ZNF804B: variants seen among roughly 807,000 people sequenced by gnomAD.
ZNF804B encodes the protein zinc finger 804B.
A neutral mutation model predicts 101.4 loss-of-function variants in ZNF804B; 80 were observed. The ratio of observed to expected loss-of-function variants is 0.79; its 90% CI spans 0.66 to 0.95. The LOEUF is 0.95. ZNF804B is among the 40% of genes least tolerant of loss of function. ZNF804B has a pLI of 0.00. For missense variants in ZNF804B, 1,673 were observed against 1,561.9 expected (o/e 1.07, Z -1.20); for synonymous variants, 622 against 558.8 (o/e 1.11, Z -1.59).
chr7:89,001,295 A>G (rs1788284366), intron 1 of ZNF804B, among the ~76,000 whole-genome samples: 2 of 151,342 alleles, frequency 1.3e-5, no homozygotes, highest in African/African-American at 4.8e-5. Flanking sequence ...GAAGTAACAT[A>G]TATGTTAGTT....
intron 2 of ZNF804B, among the ~76,000 whole-genome samples, chr7:89,268,221 A>AC (rs1789828721): frequency 6.6e-6 from 1 of 152,000 alleles, no homozygotes; most frequent in South Asian, 2.1e-4. Context: ...CTCCCTATCA[A>AC]CAGACACACA....
chr7:89,027,828 G>C (rs1788774184), intron 1 of ZNF804B, among the ~76,000 whole-genome samples: 1 of 152,160 alleles, frequency 6.6e-6, no homozygotes, highest in Non-Finnish European at 1.5e-5. Flanking sequence ...TGAGTGTCCA[G>C]CCCAAGAGCT....
At chr7:89,044,213 G>A (rs1470720800) in intron 1 of ZNF804B, among the ~76,000 whole-genome samples, 1 of 152,104 alleles carries the variant, frequency 6.6e-6, no homozygotes, top group African/African-American at 2.4e-5. Flanking sequence ...TTCCCTCTTT[G>A]CTCAACACTT....
intron 1 of ZNF804B, among the ~76,000 whole-genome samples, chr7:89,144,583 G>T (rs1020857245): frequency 6.6e-6 from 1 of 151,640 alleles, no homozygotes; most frequent in Admixed American, 6.6e-5. Context: ...TTGATCAAAA[G>T]GTATAAGGTT....
chr7:89,073,936 C>G (rs1159176675), intron 1 of ZNF804B, among the ~76,000 whole-genome samples: 1 of 152,146 alleles, frequency 6.6e-6, no homozygotes, highest in Non-Finnish European at 1.5e-5. Context: ...GATTTAGCAA[C>G]AGCCCAGAGC....
At chr7:89,016,990 T>C (rs1240718163) in intron 1 of ZNF804B, among the ~76,000 whole-genome samples, 1 of 152,220 alleles carries the variant, frequency 6.6e-6, no homozygotes, top group Non-Finnish European at 1.5e-5. Context: ...CTTTCATTTG[T>C]TTGTGTCCTC....
chr7:89,320,844 C>T lies in ZNF804B; in HGVS notation c.250-6500C>T, dbSNP rs144428094. ...CAGACATTTTAGAAAAAGCATGCAACTAAATGATGTTTTTAAAGTGCTTCA... is the reference window on the plus strand; with the variant it reads ...CAGACATTTTAGAAAAAGCATGCAATTAAATGATGTTTTTAAAGTGCTTCA... On this transcript the variant is annotated intron_variant, in intron 2 of 3. Transcript: ENST00000333190. 3.1e-3 allele frequency among the ~76,000 whole-genome samples: 476 copies of T among 151,962 alleles called. 2 individuals carry two copies. Among genetic ancestry groups the T allele is most frequent in the African/African-American group, 0.011 (446 of 41,478 alleles).
intron 1 of ZNF804B, among the ~76,000 whole-genome samples, chr7:88,764,620 T>C (rs1312248402): frequency 6.6e-6 from 1 of 152,192 alleles, no homozygotes; most frequent in African/African-American, 2.4e-5. Flanking sequence ...ACCTTGAAGA[T>C]ACATCCATCC....
At chr7:89,143,163 G>A (rs1263893082) in intron 1 of ZNF804B, among the ~76,000 whole-genome samples, 3 of 151,874 alleles carry the variant, frequency 2.0e-5, no homozygotes, top group Non-Finnish European at 4.4e-5. Flanking sequence ...GAAAAGCCAA[G>A]TTGGAGGGTG....
intron 1 of ZNF804B, among the ~76,000 whole-genome samples, chr7:88,998,923 C>T (rs1256432913): frequency 6.6e-6 from 1 of 151,958 alleles, no homozygotes; most frequent in Admixed American, 6.6e-5. Flanking sequence ...AATAAGATTA[C>T]TAAGATTTTG....
At chr7:89,320,417 A>G (rs117262660) in intron 2 of ZNF804B, among the ~76,000 whole-genome samples, 122 of 152,262 alleles carry the variant, frequency 8.0e-4, no homozygotes, top group Non-Finnish European at 1.3e-3. Flanking sequence ...CTGACTAGAT[A>G]TAGGAGAGGA....
intron 2 of ZNF804B, among the ~76,000 whole-genome samples, chr7:89,263,974 T>A (rs1057021720): frequency 6.6e-6 from 1 of 152,226 alleles, no homozygotes; most frequent in Non-Finnish European, 1.5e-5. Flanking sequence ...AATAAAGGTA[T>A]CTTCTTCTAT....
At chr7:89,316,572 A>C (rs1279950635) in intron 2 of ZNF804B, among the ~76,000 whole-genome samples, 1 of 152,192 alleles carries the variant, frequency 6.6e-6, no homozygotes, top group Non-Finnish European at 1.5e-5. Context: ...TGAGTCTTCC[A>C]CTTAGGTTAT....
intron 1 of ZNF804B, among the ~76,000 whole-genome samples, chr7:89,113,407 A>C (rs1554365844): frequency 1.3e-5 from 2 of 152,200 alleles, no homozygotes; most frequent in Non-Finnish European, 2.9e-5. Context: ...TGAAAGCGCA[A>C]GGGGAAACCA....
intron 2 of ZNF804B, among the ~76,000 whole-genome samples, chr7:89,325,562 C>G (rs572132313): frequency 2.8e-4 from 42 of 151,936 alleles, no homozygotes; most frequent in Non-Finnish European, 5.9e-4. Context: ...AATTCTCAAT[C>G]ATTTCTGTAA....
chr7:89,018,824 G>T (rs1373285471), intron 1 of ZNF804B, among the ~76,000 whole-genome samples: 1 of 151,952 alleles, frequency 6.6e-6, no homozygotes, highest in Non-Finnish European at 1.5e-5. Flanking sequence ...TTGCACTCCT[G>T]TTCTATCAGT....
At chr7:89,096,756 T>C (rs969009833) in intron 1 of ZNF804B, among the ~76,000 whole-genome samples, 3 of 152,218 alleles carry the variant, frequency 2.0e-5, no homozygotes, top group Non-Finnish European at 4.4e-5. Context: ...ATCGAAGTAA[T>C]TTTCATTATG....
intron 1 of ZNF804B, among the ~76,000 whole-genome samples, chr7:88,997,508 C>A (rs965104694): frequency 1.3e-5 from 2 of 152,030 alleles, no homozygotes; most frequent in African/African-American, 2.4e-5. Context: ...AACTGAAGTT[C>A]TGTTTCTAAT....
At chr7:88,775,396 C>CT (rs1478898795) in intron 1 of ZNF804B, among the ~76,000 whole-genome samples, 1 of 152,106 alleles carries the variant, frequency 6.6e-6, no homozygotes, top group Non-Finnish European at 1.5e-5. Context: ...CCTGTAGGCC[C>CT]TGTAACAAGG....
Sources: gnomAD v4.1 joint callset for allele counts (sites outside exome capture counted in the v4.1 genomes callset) on GRCh38, gnomAD v4.1.1 for gene constraint, MANE v1.5 for transcripts, NCBI Gene and HGNC (gene_info 2026-07-23, HGNC 2026-07-21) for gene names.